Variants in UBQLN3 observed in about 807,000 individuals in gnomAD.
UBQLN3 encodes the protein ubiquilin-3.
A neutral mutation model predicts 2.9 loss-of-function variants in UBQLN3; 1 was observed. The observed-to-expected ratio is 0.35, with a 90% CI of 0.12 to 1.66. UBQLN3 has a LOEUF of 1.66. Among genes scored for constraint, UBQLN3 ranks in the 40% most tolerant of loss-of-function variants. UBQLN3 has a pLI of 0.35. For synonymous variants in UBQLN3, 358 were observed against 317.6 expected (o/e 1.13, Z -1.35); for missense variants, 924 against 816.5 (o/e 1.13, Z -1.61).
chr11:5,509,173 G>A lies in UBQLN3; in HGVS notation c.386C>T (p.Pro129Leu). 1.2e-6 allele frequency: 2 copies of A among 1,613,926 alleles called. No homozygotes were observed. Among genetic ancestry groups the A allele is most frequent in the South Asian group, 1.1e-5 (1 of 91,062 alleles). Residue 129 changes from proline (P) to leucine (L), a missense_variant, in exon 2 of 2, where the codon CCC (proline) becomes CTC (leucine). Physicochemically the swap from Pro to Leu is moderately conservative, Grantham distance 98. Transcript: ENST00000311659. Reference protein sequence around the residue: ...QPSSIYPADGPPAFSLGLLTG... With the variant: ...QPSSIYPADGLPAFSLGLLTG... ...GAGGAGACCTAAGCTAAAGGCAGGG[G>A]GCCCATCTGCTGGGTAAATGGAGCT...
At position 5,508,120 on chromosome 11, in the gene UBQLN3, G is replaced by T. The variant is rs561174383; in HGVS notation, c.1439C>A (p.Pro480Gln). 10 of 1,614,076 alleles carry T rather than the reference G, an allele frequency of 6.2e-6. No individual in the cohort carries two copies. The Admixed American group carries it at 1.2e-4, about 19-fold the overall frequency. ...TGGCCTCAGAGATCTTGGATAAGCC[G>T]GGGATGGCAGCCAGGGAGGCTCAGG... ...GIPEPPWLPS[P>Q]AYPRSLRPDG... Residue 480 changes from proline to glutamine, a missense_variant, in exon 2 of 2, where the codon CCG becomes CAG. Coordinates refer to ENST00000311659, the MANE Select transcript of UBQLN3 (RefSeq NM_017481.4). This position sits in a 1 kb window ranked among gnomAD's most constrained non-coding sequence, Gnocchi z 4.2.
rs753570122 is a variant in UBQLN3 at position 5,508,634 on chromosome 11, T to C, written c.925A>G (p.Thr309Ala). 5 of 1,613,996 alleles carry C rather than the reference T, an allele frequency of 3.1e-6. No individual in the cohort carries two copies. The highest frequency in any genetic ancestry group is 8.5e-7 in the Non-Finnish European group (1 of 1,180,020). ...TGCCTGCTACCTGAGCCTCCATGTGTGGAAGTCCAGGGGTTGGGGAGAGGG... is the reference window on the plus strand; with the variant it reads ...TGCCTGCTACCTGAGCCTCCATGTGCGGAAGTCCAGGGGTTGGGGAGAGGG... The part of the protein sequence containing the change: ...CDPLPNPWTS[T>A]HGGSGSRQGR... The change falls in exon 2 of 2, where the codon ACA (threonine) becomes GCA (alanine). Residue 309 changes from threonine (T) to alanine (A), a missense_variant. Physicochemically the swap from Thr to Ala is moderately conservative, Grantham distance 58 (BLOSUM62 0). Transcript: ENST00000311659. The surrounding 1 kb of genome is among the most constrained non-coding windows in gnomAD (Gnocchi z 4.2).
Position 5,507,800 on chromosome 11 carries a change from C to T in UBQLN3, c.1759G>A (p.Glu587Lys). 1 of 1,614,076 alleles carries T rather than the reference C, an allele frequency of 6.2e-7. No homozygotes were observed. Among genetic ancestry groups the T allele is most frequent in the Non-Finnish European group, 8.5e-7 (1 of 1,180,026 alleles). ...PEVFPALDSA[E>K]LGFLSPPFLH... ...AAGGGAGGGGAAAGGAAGCCCAGCT[C>T]TGCAGAGTCCAGTGCTGGGAACACC... The change falls in exon 2 of 2, where the codon GAG becomes AAG. Residue 587 changes from glutamate to lysine, a missense_variant. By Grantham distance (56) the Glu-to-Lys change is moderately conservative. Transcript: ENST00000311659.
chr11:5,508,060 T>G lies in UBQLN3; in HGVS notation c.1499A>C (p.Glu500Ala). ...GMNPAPQLQD[E>A]IQPQLPLLMH... is the part of the protein sequence containing the mutation. ...CAGCAGTGGCAGCTGTGGTTGTATC[T>G]CATCCTGTAACTGTGGAGCTGGATT... The change falls in exon 2 of 2, where the codon GAG becomes GCG. Residue 500 changes from glutamate (E) to alanine (A), a missense_variant. Coordinates refer to ENST00000311659, the MANE Select transcript of UBQLN3 (RefSeq NM_017481.4). The surrounding 1 kb of genome is among the most constrained non-coding windows in gnomAD (Gnocchi z 4.2). The G allele has an allele frequency of 6.2e-7, 1 of 1,614,058 alleles. No homozygotes were observed. The highest frequency in any genetic ancestry group is 8.5e-7 in the Non-Finnish European group (1 of 1,180,020).
At position 5,509,451 on chromosome 11, in the gene UBQLN3, T is replaced by C. The variant is rs1846441549; in HGVS notation, c.108A>G (p.Ser36=). ...GCTGGATAGTGCATGTGTCTGTAAC[T>C]GAGAAATCCTCCTTGTCTTTGGGCG... ...VKTPKDKEDF[S]VTDTCTIQQL... is the part of the protein sequence containing the mutation. The change falls in exon 2 of 2, where the codon TCA becomes TCG. Residue 36 remains serine (S), a synonymous_variant. Transcript: ENST00000311659. The C allele has an allele frequency of 2.5e-6, 4 of 1,614,200 alleles. No individual in the cohort carries two copies. Among genetic ancestry groups the C allele is most frequent in the Admixed American group, 1.7e-5 (1 of 60,030 alleles).
rs868733929 is a variant in UBQLN3, at chr11:5,508,369, G to C, written c.1190C>G (p.Pro397Arg). Reference sequence around the variant, plus strand: ...TCCCTTGATTGCTACTGACTCCTCGGGGAGAGGCTGGCCTGACCCAGGCTC... The same window carrying C: ...TCCCTTGATTGCTACTGACTCCTCGCGGAGAGGCTGGCCTGACCCAGGCTC... ...SQEPGSGQPL[P>R]EESVAIKGRS... The change falls in exon 2 of 2, where the codon CCC becomes CGC. Residue 397 changes from proline (P) to arginine (R), a missense_variant. Pro to Arg is a moderately radical substitution (Grantham distance 103). Coordinates refer to ENST00000311659, the MANE Select transcript of UBQLN3 (RefSeq NM_017481.4). This position sits in a 1 kb window ranked among gnomAD's most constrained non-coding sequence, Gnocchi z 4.2. The C allele has an allele frequency of 7.5e-6, 12 of 1,604,296 alleles. No homozygotes were observed.
In UBQLN3 at chr11:5,508,596, A is replaced by T; in HGVS notation, c.963T>A (p.Asp321Glu). Residue 321 changes from aspartate (D) to glutamate (E), a missense_variant, in exon 2 of 2, where the codon GAT (aspartate) becomes GAA (glutamate). By Grantham distance (45) the Asp-to-Glu change is conservative. Coordinates refer to ENST00000311659, the MANE Select transcript of UBQLN3 (RefSeq NM_017481.4). This position sits in a 1 kb window ranked among gnomAD's most constrained non-coding sequence, Gnocchi z 4.2. ...TAATGTCAGGTGCATCCTGATCCCCATCCTGCCTTCCTTGCCTGCTACCTG... is the reference window on the plus strand; with the variant it reads ...TAATGTCAGGTGCATCCTGATCCCCTTCCTGCCTTCCTTGCCTGCTACCTG... ...GGSGSRQGRQ[D>E]GDQDAPDIRN... 1 of 1,614,102 alleles carries T rather than the reference A, an allele frequency of 6.2e-7. No individual in the cohort carries two copies. The highest frequency in any genetic ancestry group is 1.7e-5 in the Admixed American group (1 of 60,018).
In UBQLN3 at chr11:5,509,546, C is replaced by T. The variant is rs369773166; in HGVS notation, c.13G>A (p.Gly5Arg). 4.6e-5 allele frequency: 74 copies of T among 1,612,724 alleles called. No individual in the cohort carries two copies. Among genetic ancestry groups the T allele is most frequent in the Non-Finnish European group, 2.5e-6 (3 of 1,179,322 alleles). MAKG[G>R]EALPQGSPAP... ...GGGCTGCCCTGTGGCAGGGCTTCTC[C>T]ACCTTTGGCCATGGTGGCAGCAGGA... The change falls in exon 2 of 2, where the codon GGA (glycine) becomes AGA (arginine). Residue 5 changes from glycine (G) to arginine (R), a missense_variant. Coordinates refer to ENST00000311659, the MANE Select transcript of UBQLN3 (RefSeq NM_017481.4).
Position 5,508,835 on chromosome 11 carries a change from T to G in UBQLN3, c.724A>C (p.Ser242Arg), listed in dbSNP as rs1294751308. ...EMIRSQDRVL[S>R]NLESIPGGYN... Reference sequence around the variant, plus strand: ...CCACCAGGAATGCTCTCCAAGTTACTGAGCACCCGGTCCTGGCTACGTATC... The same window carrying G: ...CCACCAGGAATGCTCTCCAAGTTACGGAGCACCCGGTCCTGGCTACGTATC... The change falls in exon 2 of 2, where the codon AGT becomes CGT. Residue 242 changes from serine to arginine, a missense_variant. Coordinates refer to ENST00000311659, the MANE Select transcript of UBQLN3 (RefSeq NM_017481.4). This position sits in a 1 kb window ranked among gnomAD's most constrained non-coding sequence, Gnocchi z 4.2. 6.2e-7 allele frequency: 1 copy of G among 1,614,212 alleles called. No individual in the cohort carries two copies. Among genetic ancestry groups the G allele is most frequent in the Non-Finnish European group, 8.5e-7 (1 of 1,180,040 alleles).
chr11:5,507,553 G>T lies in UBQLN3; in HGVS notation c.*38C>A. ...TAGGGAACTAGGATATGGGAAAAAGGCACAGAGGAAAACGTATGGTTTGAA... is the reference window on the plus strand; with the variant it reads ...TAGGGAACTAGGATATGGGAAAAAGTCACAGAGGAAAACGTATGGTTTGAA... On this transcript the variant is annotated 3_prime_UTR_variant, in exon 2 of 2. Transcript: ENST00000311659. 2 of 1,538,146 alleles carry T rather than the reference G, an allele frequency of 1.3e-6. No individual in the cohort carries two copies. The highest frequency in any genetic ancestry group is 8.7e-7 in the Non-Finnish European group (1 of 1,142,876).
In UBQLN3 at chr11:5,508,808, A is replaced by G; in HGVS notation, c.751T>C (p.Tyr251His). Residue 251 changes from tyrosine (Y) to histidine (H), a missense_variant, in exon 2 of 2, where the codon TAC (tyrosine) becomes CAC (histidine). Transcript: ENST00000311659. The surrounding 1 kb of genome is among the most constrained non-coding windows in gnomAD (Gnocchi z 4.2). ...LSNLESIPGG[Y>H]NVLCTMYTDI... is the part of the protein sequence containing the mutation. ...GTGTACATAGTGCAAAGCACATTGT[A>G]GCCACCAGGAATGCTCTCCAAGTTA... is the stretch of plus-strand genomic sequence containing the variant. 1 of 1,614,224 alleles carries G rather than the reference A, an allele frequency of 6.2e-7. No homozygotes were observed. The highest frequency in any genetic ancestry group is 8.5e-7 in the Non-Finnish European group (1 of 1,180,042).
chr11:5,509,456 A>AAT lies in UBQLN3; in HGVS notation c.101_102dup (p.Phe35IlefsTer13). On this transcript the variant is annotated frameshift_variant, in exon 2 of 2. Coordinates refer to ENST00000311659, the MANE Select transcript of UBQLN3 (RefSeq NM_017481.4). LOFTEE classifies it low-confidence loss of function (END_TRUNC). The stretch of plus-strand genomic sequence containing the variant: ...ATAGTGCATGTGTCTGTAACTGAGA[A>AAT]ATCCTCCTTGTCTTTGGGCGTCTTC... 1 of 1,614,186 alleles carries AAT rather than the reference A, an allele frequency of 6.2e-7. No homozygotes were observed. Among genetic ancestry groups the AAT allele is most frequent in the Non-Finnish European group, 8.5e-7 (1 of 1,179,984 alleles).
chr11:5,507,649 G>A lies in UBQLN3; in HGVS notation c.1910C>T (p.Ala637Val). ...GFLNREANLQ[A>V]LIATGGDVDA... ...CACGTCGCCCCCCGTAGCAATGAGG[G>A]CCTGAAGATTGGCTTCACGATTCAG... Residue 637 changes from alanine to valine, a missense_variant, in exon 2 of 2, where the codon GCC becomes GTC. By Grantham distance (64) the Ala-to-Val change is moderately conservative. Coordinates refer to ENST00000311659, the MANE Select transcript of UBQLN3 (RefSeq NM_017481.4). 6.2e-7 allele frequency: 1 copy of A among 1,614,044 alleles called. No homozygotes were observed. Among genetic ancestry groups the A allele is most frequent in the Middle Eastern group, 1.7e-4 (1 of 6,060 alleles).
Position 5,507,907 on chromosome 11 carries a change from C to A in UBQLN3, c.1652G>T (p.Gly551Val). ...LLLWFMPCLAGTGSVAGGIES... is the reference protein window; with the variant it reads ...LLLWFMPCLAVTGSVAGGIES... ...TATACCTCCTGCCACACTACCCGTC[C>A]CTGCTAGGCAAGGCATGAACCAGAG... Residue 551 changes from glycine to valine, a missense_variant, in exon 2 of 2, where the codon GGG (glycine) becomes GTG (valine). By Grantham distance (109) the Gly-to-Val change is moderately radical. Transcript: ENST00000311659. 1 of 1,613,884 alleles carries A rather than the reference C, an allele frequency of 6.2e-7. No homozygotes were observed. The highest frequency in any genetic ancestry group is 8.5e-7 in the Non-Finnish European group (1 of 1,180,032).
In UBQLN3 at chr11:5,509,400, G is replaced by T. The variant is rs1337433587; in HGVS notation, c.159C>A (p.Arg53=). The part of the protein sequence containing the change: ...IQQLKEEISQ[R]FKAHPDQLVL... ...CAAGCTGATCGGGGTGGGCCTTAAA[G>T]CGCTGAGATATCTCTTCCTTCAGCT... The change falls in exon 2 of 2, where the codon CGC becomes CGA. Residue 53 remains arginine, a synonymous_variant. Transcript: ENST00000311659. The T allele has an allele frequency of 6.2e-7, 1 of 1,614,062 alleles. No homozygotes were observed. The highest frequency in any genetic ancestry group is 8.5e-7 in the Non-Finnish European group (1 of 1,180,018).
In UBQLN3 at chr11:5,508,867, T is replaced by G; in HGVS notation, c.692A>C (p.Gln231Pro). 1 of 1,614,216 alleles carries G rather than the reference T, an allele frequency of 6.2e-7. No homozygotes were observed. The highest frequency in any genetic ancestry group is 8.5e-7 in the Non-Finnish European group (1 of 1,180,042). ...LEFLRNPAMM[Q>P]EMIRSQDRVL... is the part of the protein sequence containing the mutation. ...CCGGTCCTGGCTACGTATCATCTCCTGCATCATGGCAGGGTTACGTAAAAA... is the reference window on the plus strand; with the variant it reads ...CCGGTCCTGGCTACGTATCATCTCCGGCATCATGGCAGGGTTACGTAAAAA... Residue 231 changes from glutamine to proline, a missense_variant, in exon 2 of 2, where the codon CAG (glutamine) becomes CCG (proline). Physicochemically the swap from Gln to Pro is moderately conservative, Grantham distance 76. Transcript: ENST00000311659. The surrounding 1 kb of genome is among the most constrained non-coding windows in gnomAD (Gnocchi z 4.2).
At position 5,508,474 on chromosome 11, in the gene UBQLN3, C is replaced by A; in HGVS notation, c.1085G>T (p.Gly362Val). The change falls in exon 2 of 2, where the codon GGG (glycine) becomes GTG (valine). Residue 362 changes from glycine (G) to valine (V), a missense_variant. Transcript: ENST00000311659. This position sits in a 1 kb window ranked among gnomAD's most constrained non-coding sequence, Gnocchi z 4.2. ...GCTTTGGCTGAGGGCAGATGCAGTC[C>A]CCTGTAGATAAGTTCCTAGGGACTG... ...NPQSLGTYLQ[G>V]TASALSQSQE... The A allele has an allele frequency of 6.2e-7, 1 of 1,613,030 alleles. No homozygotes were observed. The highest frequency in any genetic ancestry group is 8.5e-7 in the Non-Finnish European group (1 of 1,179,494).
rs760382360 is a variant in UBQLN3, at chr11:5,509,469, T to C, written c.90A>G (p.Lys30=). The C allele has an allele frequency of 1.2e-5, 19 of 1,614,104 alleles. No homozygotes were observed. The highest frequency in any genetic ancestry group is 1.4e-5 in the Non-Finnish European group (17 of 1,180,036). Residue 30 remains lysine, a synonymous_variant, in exon 2 of 2, where the codon AAA becomes AAG. Coordinates refer to ENST00000311659, the MANE Select transcript of UBQLN3 (RefSeq NM_017481.4). ...HLIKVTVKTP[K]DKEDFSVTDT... Reference sequence around the variant, plus strand: ...CTGTAACTGAGAAATCCTCCTTGTCTTTGGGCGTCTTCACTGTCACCTTGA... The same window carrying C: ...CTGTAACTGAGAAATCCTCCTTGTCCTTGGGCGTCTTCACTGTCACCTTGA...
chr11:5,509,802 T>C (rs766180412), intron 1 of UBQLN3, 72 bp downstream of exon 1: 17 of 575,852 alleles, frequency 3.0e-5, no homozygotes, highest in Non-Finnish European at 4.6e-5. Context: ...TGCAGGGCCC[T>C]GGGAAAGAGG....
Sources: allele counts gnomAD v4.1 joint callset, GRCh38; gene constraint gnomAD v4.1.1; non-coding constraint Gnocchi (gnomAD v3.1); transcripts MANE v1.5; gene names NCBI Gene and HGNC (gene_info 2026-07-23, HGNC 2026-07-21).